The following TRPM4 variants were observed in gnomAD, a reference collection of about 807,000 sequenced individuals.
TRPM4 encodes transient receptor potential cation channel subfamily M member 4.
TRPM4 carries 124 observed loss-of-function variants against 135.6 expected under a neutral mutation model. The observed-to-expected ratio is 0.91, with a 90% CI of 0.79 to 1.06. The LOEUF (loss-of-function observed/expected upper bound fraction) is 1.06. Among genes scored for constraint, TRPM4 ranks in the 50% least tolerant of loss-of-function variants. The probability of loss-of-function intolerance (pLI) is 0.00; values close to 1 mark genes in which losing one functional copy is unlikely to be tolerated. For synonymous variants in TRPM4, 745 were observed against 705.6 expected (o/e 1.06, Z -0.88); for missense variants, 1,658 against 1,671.4 (o/e 0.99, Z 0.14).
chr19:49,182,913 C>CGG lies in TRPM4; in HGVS notation c.1602_1603dup (p.Glu535GlyfsTer36). The CGG allele has an allele frequency of 1.3e-6, 2 of 1,592,798 alleles. No individual in the cohort carries two copies. Among genetic ancestry groups the CGG allele is most frequent in the South Asian group, 1.1e-5 (1 of 88,166 alleles). The stretch of plus-strand genomic sequence containing the variant: ...GGGACCCTCACCCAGGCCAGGGCTT[C>CGG]GGGGAGAGCGTAAGGACCGGGCAAA... On this transcript the variant is annotated frameshift_variant, in exon 11 of 25. Transcript: ENST00000252826. LOFTEE classifies it high-confidence loss of function.
Position 49,175,067 on chromosome 19 carries a change from C to CTTTTTTTTTTTTTTTT in TRPM4, c.1150+2969_1150+2984dup, listed in dbSNP as rs772062913. ...CACAGGCATGTGCCATCATGCCTGG[C>CTTTTTTTTTTTTTTTT]TTTTTTTTTTTTTTTTTTTTTTTTT... On this transcript the variant is annotated intron_variant, in intron 9 of 24. Coordinates refer to ENST00000252826, the MANE Select transcript of TRPM4 (RefSeq NM_017636.4). Among the ~76,000 whole-genome samples, 27 of 77,584 alleles carry CTTTTTTTTTTTTTTTT rather than the reference C, an allele frequency of 3.5e-4. 4 individuals are homozygous for CTTTTTTTTTTTTTTTT. The highest frequency in any genetic ancestry group is 1.6e-3 in the African/African-American group (22 of 13,532). 50.9% of individuals were successfully genotyped at this position (77,584 alleles called of 152,430 possible).
Position 49,210,735 on chromosome 19 carries a change from G to C in TRPM4, c.3354G>C (p.Glu1118Asp). The change falls in exon 22 of 25, where the codon GAG becomes GAC. Residue 1118 changes from glutamate to aspartate, a missense_variant. This residue lies in a region of TRPM4 where 1,412 missense variants were observed against 1,408.7 expected (regional missense o/e 1.00). Transcript: ENST00000252826. This position sits in a 1 kb window ranked among gnomAD's most constrained non-coding sequence, Gnocchi z 4.1. ...HFRVYLSKEA[E>D]RKLLTWESVH... ...GGGTTTACCTTTCTAAGGAAGCCGA[G>C]CGGAAGCTGCTAACGTGGGAATCGG... 6.2e-7 allele frequency: 1 copy of C among 1,614,190 alleles called. No individual in the cohort carries two copies. The highest frequency in any genetic ancestry group is 8.5e-7 in the Non-Finnish European group (1 of 1,180,042).
rs148344634 is a variant in TRPM4, at chr19:49,186,762, A to T, written c.1744-1879A>T. Among the ~76,000 whole-genome samples the T allele has an allele frequency of 7.1e-4, 107 of 151,666 alleles. 1 individual carries two copies. In the East Asian group the frequency reaches 0.02, roughly 28 times the overall value. ...GTGGCGCATATCTGTAATTCCAGCT[A>T]CTCGGGAGGCTGAGGCAGGAGAATT... On this transcript the variant is annotated intron_variant, in intron 12 of 24. Coordinates refer to ENST00000252826, the MANE Select transcript of TRPM4 (RefSeq NM_017636.4).
rs920677391 is a variant in TRPM4, at chr19:49,210,615, C to G, written c.3329-95C>G. ...GTTCTCGAATCACCAGGGGCTGGGT[C>G]TGGGATAGCGTGCGTGTTCTGAGGG... On this transcript the variant is annotated intron_variant, in intron 21 of 24. Coordinates refer to ENST00000252826, the MANE Select transcript of TRPM4 (RefSeq NM_017636.4). The surrounding 1 kb of genome is among the most constrained non-coding windows in gnomAD (Gnocchi z 4.1). The G allele has an allele frequency of 6.3e-7, 1 of 1,589,446 alleles. No homozygotes were observed. The highest frequency in any genetic ancestry group is 1.3e-5 in the African/African-American group (1 of 74,426).
chr19:49,157,991 G>A, intron 1 of TRPM4, 101 bp downstream of exon 1: 1 of 1,393,872 alleles, frequency 7.2e-7, no homozygotes, highest in Non-Finnish European at 9.8e-7. Context: ...TGGGTCAGAC[G>A]GAGGAGGGGG....
chr19:49,167,955 TTA>T lies in TRPM4; in HGVS notation c.309_310del (p.Tyr103Ter), dbSNP rs757882292. ...LSDRTDPAAV[Y>X]SLVTRTWGFR... ...CTGACCGAACGGATCCAGCTGCAGT[TTA>T]TAGTCTGGTCACACGCACATGGGGC... is the stretch of plus-strand genomic sequence containing the variant. On this transcript the variant is annotated frameshift_variant, in exon 4 of 25. Transcript: ENST00000252826. LOFTEE classifies it high-confidence loss of function. 1 of 1,566,764 alleles carries T rather than the reference TTA, an allele frequency of 6.4e-7. No homozygotes were observed. The highest frequency in any genetic ancestry group is 1.7e-5 in the Admixed American group (1 of 59,386).
At chr19:49,176,169 C>G (rs1460878025) in intron 9 of TRPM4, among the ~76,000 whole-genome samples, 1 of 151,822 alleles carries the variant, frequency 6.6e-6, no homozygotes, top group Non-Finnish European at 1.5e-5. Flanking sequence ...GGTGATCCAC[C>G]CGCCTCGGCC....
chr19:49,159,149 A>T (rs1382528356), intron 2 of TRPM4: 1 of 145,676 alleles, frequency 6.9e-6, no homozygotes, highest in African/African-American at 2.6e-5. Flanking sequence ...TTCCTGCCTC[A>T]GCCTCCCGAG....
rs770028767 is a variant in TRPM4 at position 49,171,667 on chromosome 19, A to G, written c.948A>G (p.Glu316=). 2 of 1,613,862 alleles carry G rather than the reference A, an allele frequency of 1.2e-6. No individual in the cohort carries two copies. The highest frequency in any genetic ancestry group is 1.7e-6 in the Non-Finnish European group (2 of 1,180,030). The change falls in exon 8 of 25, where the codon GAA becomes GAG. Residue 316 remains glutamate (E), a synonymous_variant. Transcript: ENST00000252826. This position sits in a 1 kb window ranked among gnomAD's most constrained non-coding sequence, Gnocchi z 4.7. ...GAADCLAETL[E]DTLAPGSGGA... is the part of the protein sequence containing the mutation. ...CGGACTGCCTGGCGGAGACCCTGGA[A>G]GACACTCTGGCCCCAGGGAGTGGGG...
chr19:49,199,498 AT>A (rs1251624079), intron 17 of TRPM4, among the ~76,000 whole-genome samples: 1 of 152,122 alleles, frequency 6.6e-6, no homozygotes, highest in Non-Finnish European at 1.5e-5. Context: ...TGACCCCGTG[AT>A]CCGCCCGCCT....
In TRPM4 at chr19:49,171,251, A is replaced by T; in HGVS notation, c.797-106A>T. 4 of 1,190,042 alleles carry T rather than the reference A, an allele frequency of 3.4e-6. No individual in the cohort carries two copies. Among genetic ancestry groups the T allele is most frequent in the Non-Finnish European group, 5.0e-6 (4 of 794,308 alleles). The allele number at this position is 1,190,042 out of a possible 1,614,324, so 73.7% of individuals were successfully genotyped here. ...ATTCCAATGAGCCTCTGAACAGAAGATTAGGACAAGGCTGATGTTTGCCGA... is the reference window on the plus strand; with the variant it reads ...ATTCCAATGAGCCTCTGAACAGAAGTTTAGGACAAGGCTGATGTTTGCCGA... On this transcript the variant is annotated intron_variant, in intron 6 of 24. Coordinates refer to ENST00000252826, the MANE Select transcript of TRPM4 (RefSeq NM_017636.4). This position sits in a 1 kb window ranked among gnomAD's most constrained non-coding sequence, Gnocchi z 4.7.
chr19:49,202,283 C>T (rs1968966993), intron 20 of TRPM4, 142 bp downstream of exon 20: 2 of 963,702 alleles, frequency 2.1e-6, no homozygotes, highest in South Asian at 1.3e-5. Flanking sequence ...CCAAACCCAA[C>T]CAGACCCTGC....
At position 49,182,735 on chromosome 19, in the gene TRPM4, G is replaced by A. The variant is rs747037268; in HGVS notation, c.1421G>A (p.Arg474His). 1 of 1,613,906 alleles carries A rather than the reference G, an allele frequency of 6.2e-7. No individual in the cohort carries two copies. The highest frequency in any genetic ancestry group is 1.3e-5 in the African/African-American group (1 of 74,934). ...GCGGCGCCCTCCAACTCGCTCATCC[G>A]CAACCTTTTGGACCAGGCGTCCCAC... ...YSAAPSNSLI[R>H]NLLDQASHSA... is the part of the protein sequence containing the mutation. Residue 474 changes from arginine to histidine, a missense_variant, in exon 11 of 25, where the codon CGC becomes CAC. Physicochemically the swap from Arg to His is conservative, Grantham distance 29. Coordinates refer to ENST00000252826, the MANE Select transcript of TRPM4 (RefSeq NM_017636.4).
rs947722381 is a variant in TRPM4 at position 49,196,885 on chromosome 19, C to G, written c.2645+11C>G. On this transcript the variant is annotated intron_variant, in intron 17 of 24. Coordinates refer to ENST00000252826, the MANE Select transcript of TRPM4 (RefSeq NM_017636.4). Reference sequence around the variant, plus strand: ...GGGCGTGGGCTGCCGGTGAGTGCCCCGGGGCCTTGGAACCCTGGCCCCTGG... The same window carrying G: ...GGGCGTGGGCTGCCGGTGAGTGCCCGGGGGCCTTGGAACCCTGGCCCCTGG... 2 of 1,568,088 alleles carry G rather than the reference C, an allele frequency of 1.3e-6. No individual in the cohort carries two copies. Among genetic ancestry groups the G allele is most frequent in the Admixed American group, 1.8e-5 (1 of 56,020 alleles).
chr19:49,171,865 C>T lies in TRPM4; in HGVS notation c.1050+96C>T. On this transcript the variant is annotated intron_variant, in intron 8 of 24. Coordinates refer to ENST00000252826, the MANE Select transcript of TRPM4 (RefSeq NM_017636.4). The surrounding 1 kb of genome is among the most constrained non-coding windows in gnomAD (Gnocchi z 4.7). ...AGGGAGGAGGGGCTGGGGGCCTGGA[C>T]TTCCAGGTTCCGGGAGAAGAGGGTG... The T allele has an allele frequency of 6.9e-7, 1 of 1,447,528 alleles. No individual in the cohort carries two copies. The highest frequency in any genetic ancestry group is 9.6e-7 in the Non-Finnish European group (1 of 1,043,262). The allele number at this position is 1,447,528 out of a possible 1,614,324, so 89.7% of individuals were successfully genotyped here.
In TRPM4 at chr19:49,210,702, C is replaced by G. The variant is rs369748756; in HGVS notation, c.3329-8C>G. 5.0e-6 allele frequency: 8 copies of G among 1,614,070 alleles called. No homozygotes were observed. Among genetic ancestry groups the G allele is most frequent in the Non-Finnish European group, 6.8e-6 (8 of 1,180,028 alleles). On this transcript the variant is annotated splice_polypyrimidine_tract_variant and splice_region_variant and intron_variant, in intron 21 of 24. Coordinates refer to ENST00000252826, the MANE Select transcript of TRPM4 (RefSeq NM_017636.4). This position sits in a 1 kb window ranked among gnomAD's most constrained non-coding sequence, Gnocchi z 4.1. ...GCCTGAGCCCTTTGACTCCGCCCGC[C>G]CCTGCAGGGGTTTACCTTTCTAAGG...
chr19:49,199,314 A>C (rs535670164), intron 17 of TRPM4, among the ~76,000 whole-genome samples: 3 of 151,832 alleles, frequency 2.0e-5, no homozygotes, highest in Non-Finnish European at 4.4e-5. Flanking sequence ...GCTGGAGTGC[A>C]GTGGCGCGAT....
chr19:49,182,853 G>A lies in TRPM4; in HGVS notation c.1539G>A (p.Lys513=). ...VGHVLRMLLG[K]MCAPRYPSGG... is the part of the protein sequence containing the mutation. ...ATGTGCTGAGGATGCTGCTGGGGAA[G>A]ATGTGCGCGCCGAGGTACCCCTCCG... is the stretch of plus-strand genomic sequence containing the variant. Residue 513 remains lysine (K), a synonymous_variant, in exon 11 of 25, where the codon AAG becomes AAA. Coordinates refer to ENST00000252826, the MANE Select transcript of TRPM4 (RefSeq NM_017636.4). The A allele has an allele frequency of 6.2e-7, 1 of 1,611,556 alleles. No individual in the cohort carries two copies. Among genetic ancestry groups the A allele is most frequent in the Non-Finnish European group, 8.5e-7 (1 of 1,178,984 alleles).
At chr19:49,203,431 G>A (rs545795330) in intron 20 of TRPM4, among the ~76,000 whole-genome samples, 15 of 152,298 alleles carry the variant, frequency 9.8e-5, no homozygotes, top group Admixed American at 7.2e-4. Flanking sequence ...CGCCCGCCTT[G>A]GCCTCCCAGA....
Sources: allele counts gnomAD v4.1 joint callset (sites outside exome capture counted in the v4.1 genomes callset), GRCh38; gene constraint gnomAD v4.1.1; regional missense constraint gnomAD v4.1.1; non-coding constraint Gnocchi (gnomAD v3.1); transcripts MANE v1.5; gene names NCBI Gene and HGNC (gene_info 2026-07-23, HGNC 2026-07-21).